Variants in SCAI observed in about 807,000 individuals in gnomAD.
The protein encoded by SCAI is protein SCAI.
A neutral mutation model predicts 92.2 loss-of-function variants in SCAI; 24 were observed. The observed-to-expected ratio is 0.26, with a 90% confidence interval of 0.19 to 0.37. The LOEUF (loss-of-function observed/expected upper bound fraction) is 0.37, where lower values mean the gene tolerates loss of function less well. Among genes scored for constraint, SCAI ranks in the 10% least tolerant of loss-of-function variants. The pLI, the probability that SCAI is intolerant of heterozygous loss-of-function variation, is 1.00. For missense variants in SCAI, 450 were observed against 736.2 expected, an observed-to-expected ratio of 0.61 and a Z score of 4.50; for synonymous variants, 261 against 258.6, an observed-to-expected ratio of 1.01 and a Z score of -0.09.
intron 2 of SCAI, among the ~76,000 whole-genome samples, chr9:125,136,456 CTTTTTTTTTTTT>C (rs1167871254): frequency 1.1e-5 from 1 of 95,216 alleles, no homozygotes. Flanking sequence ...TAATACCTTT[CTTTTTTTTTTTT>C]TTTTTTTTTT....
At chr9:125,003,623 T>G (rs1832411221) in intron 9 of SCAI, 53 bp from the exon 10 acceptor site, 2 of 1,084,258 alleles carry the variant, frequency 1.8e-6, no homozygotes, top group Non-Finnish European at 2.8e-6. Flanking sequence ...ACACGCAGAC[T>G]TTAAAGACTT....
intron 2 of SCAI, among the ~76,000 whole-genome samples, chr9:125,101,448 A>G (rs758590093): frequency 2.0e-5 from 3 of 152,206 alleles, no homozygotes; most frequent in Non-Finnish European, 4.4e-5. Flanking sequence ...AATGCAGAGG[A>G]TAAGACAAGG....
chr9:124,954,696 C>T (rs549914177), intron 17 of SCAI, among the ~76,000 whole-genome samples: 1 of 152,214 alleles, frequency 6.6e-6, no homozygotes, highest in African/African-American at 2.4e-5. Flanking sequence ...ATCACCACAA[C>T]CAATTTTAGA....
At position 125,129,454 on chromosome 9, in the gene SCAI, CTTTTTTTTTTTT is replaced by C. The variant is rs1171739834; in HGVS notation, c.98+13167_98+13178del. 8.9e-5 allele frequency among the ~76,000 whole-genome samples: 6 copies of C among 67,576 alleles called. 1 individual carries two copies. The South Asian group carries it at 1.9e-3, about 21-fold the overall frequency. The allele number at this position is 67,576 out of a possible 152,430, so 44.3% of individuals were successfully genotyped here. A position where few individuals can be genotyped will look rare whatever the true frequency, so the allele number is the denominator to read the frequency against. On this transcript the variant is annotated intron_variant, in intron 2 of 17. Transcript: ENST00000336505. The stretch of plus-strand genomic sequence containing the variant: ...AGAAGGAATGAAAGAATTAGAATTT[CTTTTTTTTTTTT>C]TTTTTTTTTTTTTTTGAGACAGAGC...
intron 2 of SCAI, among the ~76,000 whole-genome samples, chr9:125,123,038 T>G (rs1346134267): frequency 6.7e-6 from 1 of 149,514 alleles, no homozygotes; most frequent in Admixed American, 6.9e-5. Context: ...GTTACCTCAA[T>G]AGAAAAACAG....
At chr9:125,025,953 G>C (rs1832957389) in intron 6 of SCAI, among the ~76,000 whole-genome samples, 1 of 152,224 alleles carries the variant, frequency 6.6e-6, no homozygotes, top group Non-Finnish European at 1.5e-5. Flanking sequence ...CTGGGGTAGA[G>C]AGAATATTCA....
At chr9:125,042,872 T>C (rs1316101325) in intron 3 of SCAI, among the ~76,000 whole-genome samples, 2 of 123,056 alleles carry the variant, frequency 1.6e-5, no homozygotes, top group East Asian at 4.6e-4. Flanking sequence ...TTTTTTTTTT[T>C]TTTTTTTTTT....
At chr9:125,123,724 G>A (rs1019570385) in intron 2 of SCAI, among the ~76,000 whole-genome samples, 4 of 152,168 alleles carry the variant, frequency 2.6e-5, no homozygotes, top group Non-Finnish European at 5.9e-5. Context: ...GCAGTGAGCC[G>A]AGATCACGCC....
intron 2 of SCAI, among the ~76,000 whole-genome samples, chr9:125,082,349 C>T (rs1296257896): frequency 2.0e-5 from 3 of 152,190 alleles, no homozygotes; most frequent in African/African-American, 7.2e-5. Flanking sequence ...TATGGAAACG[C>T]CTGGATGCCC....
chr9:124,958,892 G>GAAAA, intron 17 of SCAI, among the ~76,000 whole-genome samples: 1 of 134,608 alleles, frequency 7.4e-6, no homozygotes, highest in Non-Finnish European at 1.5e-5. Context: ...GGGTGAGAGT[G>GAAAA]AGACTCAGTC....
Position 125,010,814 on chromosome 9 carries a change from C to A in SCAI, c.862-7244G>T, listed in dbSNP as rs547567191. On this transcript the variant is annotated intron_variant, in intron 9 of 17. Coordinates refer to ENST00000336505, the MANE Select transcript of SCAI (RefSeq NM_001144877.3). Reference sequence around the variant, plus strand: ...GGGGCAGACTGACACCTCACATGGCCAGGTACTCCTCTGAGACAAAACTTC... The same window carrying A: ...GGGGCAGACTGACACCTCACATGGCAAGGTACTCCTCTGAGACAAAACTTC... Among the ~76,000 whole-genome samples the A allele has an allele frequency of 4.6e-5, 7 of 152,278 alleles. No homozygotes were observed. The East Asian group carries it at 1.2e-3, about 25-fold the overall frequency.
intron 7 of SCAI, among the ~76,000 whole-genome samples, chr9:125,019,445 C>A (rs1040599232): frequency 6.6e-6 from 1 of 151,966 alleles, no homozygotes; most frequent in African/African-American, 2.4e-5. Flanking sequence ...ATCAGTACTA[C>A]ATGAGCAATG....
chr9:124,986,581 T>A (rs937610239), intron 14 of SCAI, among the ~76,000 whole-genome samples: 4 of 151,930 alleles, frequency 2.6e-5, no homozygotes, highest in Admixed American at 2.0e-4. Flanking sequence ...CTCCATAAGG[T>A]GAGGAGAGAG....
intron 17 of SCAI, among the ~76,000 whole-genome samples, chr9:124,965,076 T>C (rs1831512813): frequency 6.6e-6 from 1 of 152,174 alleles, no homozygotes; most frequent in African/African-American, 2.4e-5. Context: ...AAGCTGCTTC[T>C]CGTGTTATCT....
chr9:125,059,695 T>C (rs1833736439), intron 2 of SCAI, among the ~76,000 whole-genome samples: 1 of 152,222 alleles, frequency 6.6e-6, no homozygotes, highest in Non-Finnish European at 1.5e-5. Context: ...TCAATTACAC[T>C]GCAGAAAATT....
intron 2 of SCAI, among the ~76,000 whole-genome samples, chr9:125,113,310 A>C (rs571441831): frequency 1.3e-5 from 2 of 152,352 alleles, no homozygotes; most frequent in Non-Finnish European, 2.9e-5. Flanking sequence ...CTAAAAATCC[A>C]ATCTAATCAT....
intron 2 of SCAI, among the ~76,000 whole-genome samples, chr9:125,093,117 T>C (rs1834470970): frequency 6.6e-6 from 1 of 152,170 alleles, no homozygotes; most frequent in Non-Finnish European, 1.5e-5. Flanking sequence ...TCCCAACACT[T>C]TGGGAGGCCA....
At chr9:124,967,386 G>A (rs1359380138) in intron 17 of SCAI, among the ~76,000 whole-genome samples, 1 of 152,112 alleles carries the variant, frequency 6.6e-6, no homozygotes, top group Non-Finnish European at 1.5e-5. Flanking sequence ...AGAGGCTCAG[G>A]GAGTTTGGGA....
chr9:125,026,828 C>T lies in SCAI; in HGVS notation c.496G>A (p.Val166Ile). The change falls in exon 6 of 18, where the codon GTC becomes ATC. Residue 166 changes from valine (V) to isoleucine (I), a missense_variant. Val to Ile is a conservative substitution (Grantham distance 29, BLOSUM62 3). Transcript: ENST00000336505. ...GATACATACCTGTCCTCTTTATTGA[C>T]TTGAGAATAATATGATCTCTGTCTG... The part of the protein sequence containing the change: ...AIRQRSYYSQ[V>I]NKEDRPELVV... 6.4e-7 allele frequency: 1 copy of T among 1,571,866 alleles called. No individual in the cohort carries two copies. The highest frequency in any genetic ancestry group is 8.7e-7 in the Non-Finnish European group (1 of 1,144,518).
Sources: allele counts gnomAD v4.1 joint callset (sites outside exome capture counted in the v4.1 genomes callset), GRCh38; gene constraint gnomAD v4.1.1; transcripts MANE v1.5; gene names NCBI Gene and HGNC (gene_info 2026-07-23, HGNC 2026-07-21).